The following KCNK9 variants were observed in gnomAD, a reference collection of about 807,000 sequenced individuals.
The protein encoded by KCNK9 is potassium channel subfamily K member 9.
Under a neutral mutation model 10.8 loss-of-function variants are expected in KCNK9, and 1 was observed. That is an observed-to-expected ratio of 0.09 (90% CI 0.03 to 0.44). KCNK9 has a LOEUF of 0.44. Ranked by LOEUF, KCNK9 falls within the 20% of genes least tolerant of loss-of-function variation. The pLI is 0.97. For synonymous variants in KCNK9, 231 were observed against 222.7 expected (o/e 1.04, Z -0.33); for missense variants, 303 against 515.0 (o/e 0.59, Z 3.98).
At chr8:139,645,575 G>A (rs1233160503) in intron 1 of KCNK9, among the ~76,000 whole-genome samples, 2 of 152,104 alleles carry the variant, frequency 1.3e-5, no homozygotes, top group Non-Finnish European at 2.9e-5. Flanking sequence ...TGAAAACCCT[G>A]AGCCTGACAC....
At chr8:139,624,535 C>A (rs1814903745) in intron 1 of KCNK9, among the ~76,000 whole-genome samples, 1 of 152,202 alleles carries the variant, frequency 6.6e-6, no homozygotes, top group South Asian at 2.1e-4. Context: ...CTGCCCTCCC[C>A]TGGCCTGCTC....
chr8:139,689,606 T>C (rs946189332), intron 1 of KCNK9, among the ~76,000 whole-genome samples: 2 of 151,600 alleles, frequency 1.3e-5, no homozygotes, highest in African/African-American at 4.8e-5. Context: ...AAAAGAGTCG[T>C]CACTTGCATT....
intron 1 of KCNK9, among the ~76,000 whole-genome samples, chr8:139,694,069 C>T (rs572804688): frequency 4.6e-5 from 7 of 152,286 alleles, no homozygotes; most frequent in African/African-American, 1.7e-4. Context: ...GGAGCTTTTC[C>T]ATCTCTGAGG....
chr8:139,670,670 A>G (rs909206735), intron 1 of KCNK9, among the ~76,000 whole-genome samples: 4 of 152,208 alleles, frequency 2.6e-5, no homozygotes, highest in Non-Finnish European at 4.4e-5. Context: ...TTTGAAAAGG[A>G]AGAATATGGA....
rs116112782 is a variant in KCNK9 at position 139,666,734 on chromosome 8, T to C, written c.283+35976A>G. Among the ~76,000 whole-genome samples the C allele has an allele frequency of 2.2e-3, 332 of 152,396 alleles. 3 individuals are homozygous for C. The highest frequency in any genetic ancestry group is 7.8e-3 in the African/African-American group (323 of 41,602). On this transcript the variant is annotated intron_variant, in intron 1 of 1. Transcript: ENST00000520439. ...GCATGGAAAGCTCTAGATCCATGTC[T>C]AGCTGTATCCGCTAGTTGGCACATC...
chr8:139,688,790 T>C lies in KCNK9; in HGVS notation c.283+13920A>G, dbSNP rs111761220. ...TAAACTCAGATTCATACATTTGATATGGCAGAAAAGCAACATGAGCTGAGT... is the reference window on the plus strand; with the variant it reads ...TAAACTCAGATTCATACATTTGATACGGCAGAAAAGCAACATGAGCTGAGT... On this transcript the variant is annotated intron_variant, in intron 1 of 1. Transcript: ENST00000520439. Among the ~76,000 whole-genome samples the C allele has an allele frequency of 7.7e-3, 1,179 of 152,330 alleles. 12 individuals are homozygous for C. The highest frequency in any genetic ancestry group is 0.027 in the African/African-American group (1,127 of 41,568).
chr8:139,621,944 G>A (rs928317819), intron 1 of KCNK9, among the ~76,000 whole-genome samples: 9 of 152,168 alleles, frequency 5.9e-5, no homozygotes, highest in African/African-American at 2.2e-4. Flanking sequence ...CATTTTCTGG[G>A]TCAAAAACTG....
Position 139,685,390 on chromosome 8 carries a change from G to A in KCNK9, c.283+17320C>T, listed in dbSNP as rs973437829. Among the ~76,000 whole-genome samples, 6 of 152,052 alleles carry A rather than the reference G, an allele frequency of 3.9e-5. No homozygotes were observed. The East Asian group carries it at 7.7e-4, about 20-fold the overall frequency. On this transcript the variant is annotated intron_variant, in intron 1 of 1. Coordinates refer to ENST00000520439, the MANE Select transcript of KCNK9 (RefSeq NM_001282534.2). Reference sequence around the variant, plus strand: ...GTTGGTTTGCTGCACCCATCAACTCGTCGTTTACATTAGGTATTTCTCCTA... The same window carrying A: ...GTTGGTTTGCTGCACCCATCAACTCATCGTTTACATTAGGTATTTCTCCTA...
intron 1 of KCNK9, among the ~76,000 whole-genome samples, chr8:139,656,609 C>T (rs564999775): frequency 7.9e-5 from 12 of 152,352 alleles, no homozygotes; most frequent in African/African-American, 2.6e-4. Context: ...AACTGCTTCC[C>T]TGGAAATGAC....
intron 1 of KCNK9, among the ~76,000 whole-genome samples, chr8:139,700,474 TCACATA>T (rs1199204304): frequency 4.2e-5 from 6 of 144,428 alleles, no homozygotes; most frequent in African/African-American, 1.3e-4. Flanking sequence ...TGTCTTTTAT[TCACATA>T]CACATACACA....
chr8:139,674,799 G>C lies in KCNK9; in HGVS notation c.283+27911C>G, dbSNP rs1816512632. 2.6e-5 allele frequency among the ~76,000 whole-genome samples: 4 copies of C among 152,282 alleles called. No individual in the cohort carries two copies. In the South Asian group the frequency reaches 8.3e-4, roughly 32 times the overall value. On this transcript the variant is annotated intron_variant, in intron 1 of 1. Transcript: ENST00000520439. ...GGCCTAGCAGCAAGACAGGGACTCAGCCCGGGGTGGGGCCTGCGAGGCCCA... is the reference window on the plus strand; with the variant it reads ...GGCCTAGCAGCAAGACAGGGACTCACCCCGGGGTGGGGCCTGCGAGGCCCA...
intron 1 of KCNK9, among the ~76,000 whole-genome samples, chr8:139,675,105 G>A (rs1331219190): frequency 6.6e-6 from 1 of 152,220 alleles, no homozygotes; most frequent in East Asian, 1.9e-4. Flanking sequence ...CCAAGCCTCG[G>A]TTATCCACCA....
chr8:139,689,888 C>T (rs1025437280), intron 1 of KCNK9, among the ~76,000 whole-genome samples: 14 of 152,138 alleles, frequency 9.2e-5, no homozygotes, highest in African/African-American at 3.1e-4. Context: ...GTGATCTGCC[C>T]GTCTCAGCTC....
downstream of KCNK9, among the ~76,000 whole-genome samples, chr8:139,615,088 G>A (rs1814540523): frequency 6.6e-6 from 1 of 152,180 alleles, no homozygotes; most frequent in Admixed American, 6.5e-5. Context: ...AAATTACCAG[G>A]TGCAAGAGGG....
intron 1 of KCNK9, among the ~76,000 whole-genome samples, chr8:139,655,596 C>G (rs1206606035): frequency 6.6e-6 from 1 of 152,220 alleles, no homozygotes; most frequent in Non-Finnish European, 1.5e-5. Context: ...ACAAGTCCCA[C>G]AGCCACCCTG....
chr8:139,630,740 C>T (rs1169955364), intron 1 of KCNK9, among the ~76,000 whole-genome samples: 1 of 152,222 alleles, frequency 6.6e-6, no homozygotes, highest in Non-Finnish European at 1.5e-5. Context: ...AAGCGCACTG[C>T]ACATCGTGTG....
chr8:139,635,679 G>T (rs1158566840), intron 1 of KCNK9, among the ~76,000 whole-genome samples: 1 of 152,074 alleles, frequency 6.6e-6, no homozygotes, highest in Non-Finnish European at 1.5e-5. Flanking sequence ...GTAATTTGCT[G>T]ATCATAGGAA....
chr8:139,618,580 C>T lies in KCNK9; in HGVS notation c.803G>A (p.Arg268His), dbSNP rs201726948. Residue 268 changes from arginine (R) to histidine (H), a missense_variant, in exon 2 of 2, where the codon CGC becomes CAC. Transcript: ENST00000520439. The surrounding 1 kb of genome is among the most constrained non-coding windows in gnomAD (Gnocchi z 7.9). ...AGGGATGTGAATGACCATGCTGTTG[C>T]GGTTTCCGGCGAGGGATGCCCTCTC... ...AEERASLAGN[R>H]NSMVIHIPEE... The T allele has an allele frequency of 5.9e-5, 95 of 1,613,546 alleles. No individual in the cohort carries two copies. Among genetic ancestry groups the T allele is most frequent in the Non-Finnish European group, 7.9e-5 (93 of 1,179,816 alleles).
chr8:139,677,684 G>C (rs7841733), intron 1 of KCNK9, among the ~76,000 whole-genome samples: 410 of 38,974 alleles, frequency 0.011, 5 homozygotes, highest in African/African-American at 0.024. Context: ...TCCCAGCCCA[G>C]TGGGTTCCCA....
Sources: allele counts gnomAD v4.1 joint callset (sites outside exome capture counted in the v4.1 genomes callset), GRCh38; gene constraint gnomAD v4.1.1; non-coding constraint Gnocchi (gnomAD v3.1); transcripts MANE v1.5; gene names NCBI Gene and HGNC (gene_info 2026-07-23, HGNC 2026-07-21).